Variants in PSD3 observed in about 807,000 individuals in gnomAD.
The protein encoded by PSD3 is PH and SEC7 domain-containing protein 3.
A neutral mutation model predicts 105.5 loss-of-function variants in PSD3; 49 were observed. The observed-to-expected ratio is 0.46, with a 90% CI of 0.37 to 0.59. The LOEUF is 0.59. Ranked by LOEUF, PSD3 falls within the 20% of genes least tolerant of loss-of-function variation. PSD3 has a pLI of 0.00. For missense variants in PSD3, 1,561 were observed against 1,263.8 expected (o/e 1.24, Z -3.57); for synonymous variants, 557 against 457.8 (o/e 1.22, Z -2.77).
chr8:18,965,526 T>A (rs12678989), intron 1 of PSD3, among the ~76,000 whole-genome samples: 6 of 151,900 alleles, frequency 3.9e-5, no homozygotes, highest in Admixed American at 1.3e-4. Flanking sequence ...CGGTTGCCAC[T>A]GTGACCATTT....
intron 1 of PSD3, among the ~76,000 whole-genome samples, chr8:18,952,881 C>T (rs1187088206): frequency 6.6e-6 from 1 of 152,092 alleles, no homozygotes; most frequent in Admixed American, 6.5e-5. Flanking sequence ...GCAGGTACTA[C>T]ATAAAATCGA....
chr8:18,775,914 T>C lies in PSD3; in HGVS notation c.2083-10376A>G, dbSNP rs1389786396. Among the ~76,000 whole-genome samples, 3 of 152,298 alleles carry C rather than the reference T, an allele frequency of 2.0e-5. No individual in the cohort carries two copies. In the South Asian group the frequency reaches 6.2e-4, roughly 32 times the overall value. ...CCTCCCCCGCCGACCCCCTGCAAAA[T>C]CTTTACTCATCCCACCATTGTAGTG... On this transcript the variant is annotated intron_variant, in intron 8 of 15. Transcript: ENST00000327040.
intron 9 of PSD3, among the ~76,000 whole-genome samples, chr8:18,658,048 T>A (rs1809031730): frequency 6.6e-6 from 1 of 152,260 alleles, no homozygotes; most frequent in Non-Finnish European, 1.5e-5. Flanking sequence ...ATCAGCCAGA[T>A]ATCTCATGAA....
intron 1 of PSD3, among the ~76,000 whole-genome samples, chr8:19,057,084 C>T (rs1018644714): frequency 2.2e-4 from 33 of 152,152 alleles, no homozygotes; most frequent in African/African-American, 7.7e-4. Flanking sequence ...ACTGGTTCCC[C>T]TTGGTTAACC....
At chr8:18,948,068 ATCAG>A (rs1157497672) in intron 1 of PSD3, among the ~76,000 whole-genome samples, 3 of 152,164 alleles carry the variant, frequency 2.0e-5, no homozygotes, top group Non-Finnish European at 4.4e-5. Context: ...CCATCTCATA[ATCAG>A]TAATGACAGA....
At chr8:18,549,032 T>G (rs1800610034) in intron 15 of PSD3, among the ~76,000 whole-genome samples, 1 of 152,114 alleles carries the variant, frequency 6.6e-6, no homozygotes, top group Admixed American at 6.5e-5. Flanking sequence ...CACTCACTCA[T>G]TACACTCCCA....
intron 8 of PSD3, among the ~76,000 whole-genome samples, chr8:18,766,469 T>C (rs1807010414): frequency 6.6e-6 from 1 of 152,184 alleles, no homozygotes; most frequent in Non-Finnish European, 1.5e-5. Context: ...CTTATTATAA[T>C]GTAGAAAAAA....
intron 1 of PSD3, among the ~76,000 whole-genome samples, chr8:18,992,091 A>G (rs1236079716): frequency 6.6e-6 from 1 of 152,148 alleles, no homozygotes; most frequent in Non-Finnish European, 1.5e-5. Context: ...AAACCAGTCT[A>G]TGGTAGAACA....
chr8:19,000,535 G>A (rs1400371740), intron 1 of PSD3: 1 of 151,636 alleles, frequency 6.6e-6, no homozygotes, highest in African/African-American at 2.4e-5. Flanking sequence ...TGCCAGAAGG[G>A]AAAGAGCTGG....
chr8:18,698,102 T>C (rs765178303), intron 9 of PSD3, among the ~76,000 whole-genome samples: 1 of 152,048 alleles, frequency 6.6e-6, no homozygotes, highest in Non-Finnish European at 1.5e-5. Flanking sequence ...GATGTATTTT[T>C]GTTTTGTTTT....
intron 4 of PSD3, among the ~76,000 whole-genome samples, chr8:18,822,254 A>G (rs998148984): frequency 1.3e-5 from 2 of 152,162 alleles, no homozygotes; most frequent in Admixed American, 1.3e-4. Flanking sequence ...TGTACATGAT[A>G]CAAAGAAATA....
chr8:19,042,174 T>C (rs1828146538), intron 1 of PSD3, among the ~76,000 whole-genome samples: 1 of 152,178 alleles, frequency 6.6e-6, no homozygotes, highest in Non-Finnish European at 1.5e-5. Context: ...AAGGGAAAGG[T>C]CTGGAGTCCT....
intron 9 of PSD3, among the ~76,000 whole-genome samples, chr8:18,748,744 A>G (rs1256387695): frequency 6.6e-6 from 1 of 151,898 alleles, no homozygotes; most frequent in East Asian, 1.9e-4. Flanking sequence ...ATGTTTAGAG[A>G]CACCAAGGAC....
chr8:18,803,680 C>G (rs1465399181), intron 6 of PSD3, among the ~76,000 whole-genome samples: 4 of 150,858 alleles, frequency 2.7e-5, no homozygotes, highest in Non-Finnish European at 5.9e-5. Context: ...AAATGAATCA[C>G]AAAAAGGCAA....
Position 18,954,221 on chromosome 8 carries a change from T to C in PSD3, c.22-18079A>G, listed in dbSNP as rs559457608. The stretch of plus-strand genomic sequence containing the variant: ...ACATAAACATGCATAGAAAAAAATC[T>C]GGAAAAAATAAAAAACCAAGATACC... On this transcript the variant is annotated intron_variant, in intron 1 of 15. Coordinates refer to ENST00000327040, the MANE Select transcript of PSD3 (RefSeq NM_015310.4). 2.6e-5 allele frequency among the ~76,000 whole-genome samples: 4 copies of C among 152,068 alleles called. No individual in the cohort carries two copies. The East Asian group carries it at 7.7e-4, about 29-fold the overall frequency.
rs1753323061 is a variant in PSD3 at position 18,762,943 on chromosome 8, C to T, written c.2172+2506G>A. The T allele has an allele frequency of 2.3e-6, 3 of 1,283,106 alleles. No homozygotes were observed. In the Admixed American group the frequency reaches 6.9e-5, roughly 30 times the overall value. 79.5% of individuals were successfully genotyped at this position (1,283,106 alleles called of 1,614,324 possible). ...TAACTGTTTATTTTATGGAGAAAGA[C>T]ACCTCCAATATTTCTCAGTAGTCTG... On this transcript the variant is annotated intron_variant, in intron 9 of 15. Coordinates refer to ENST00000327040, the MANE Select transcript of PSD3 (RefSeq NM_015310.4).
chr8:18,834,851 T>C (rs1813974344), intron 4 of PSD3, among the ~76,000 whole-genome samples: 2 of 152,220 alleles, frequency 1.3e-5, no homozygotes, highest in South Asian at 4.2e-4. Context: ...GCCTGTGACA[T>C]CCATCCAATA....
chr8:18,749,566 A>C (rs1251066277), intron 9 of PSD3, among the ~76,000 whole-genome samples: 1 of 152,196 alleles, frequency 6.6e-6, no homozygotes, highest in African/African-American at 2.4e-5. Flanking sequence ...CTCATCAACT[A>C]ACCTTAATAG....
At chr8:18,781,923 A>G (rs1481939825) in intron 8 of PSD3, among the ~76,000 whole-genome samples, 2 of 152,062 alleles carry the variant, frequency 1.3e-5, no homozygotes, top group African/African-American at 2.4e-5. Flanking sequence ...TTATTTCAAA[A>G]GACCTGTCTT....
Sources: gnomAD v4.1 joint callset for allele counts (sites outside exome capture counted in the v4.1 genomes callset) on GRCh38, gnomAD v4.1.1 for gene constraint, MANE v1.5 for transcripts, NCBI Gene and HGNC (gene_info 2026-07-23, HGNC 2026-07-21) for gene names.